PCDHA6: variants seen among roughly 807,000 people sequenced by gnomAD.
PCDHA6 encodes the protein protocadherin alpha 6, also known as protocadherin alpha-6.
Under a neutral mutation model 60.3 loss-of-function variants are expected in PCDHA6, and 55 were observed. The ratio of observed to expected loss-of-function variants is 0.91; its 90% CI spans 0.73 to 1.14. The LOEUF (loss-of-function observed/expected upper bound fraction) is 1.14, where lower values mean the gene tolerates loss of function less well. Ranked by LOEUF, PCDHA6 falls within the 50% of genes most tolerant of loss-of-function variation. The probability of loss-of-function intolerance (pLI) is 0.00; values close to 1 mark genes in which losing one functional copy is unlikely to be tolerated. For missense variants in PCDHA6, 1,327 were observed against 1,256.5 expected, an observed-to-expected ratio of 1.06 and a Z score of -0.85; for synonymous variants, 652 against 557.9, an observed-to-expected ratio of 1.17 and a Z score of -2.38.
Position 140,869,893 on chromosome 5 carries a change from C to G in PCDHA6, c.2394+39408C>G, listed in dbSNP as rs375422597. 3 of 1,610,510 alleles carry G rather than the reference C, an allele frequency of 1.9e-6. No homozygotes were observed. The African/African-American group carries it at 4.0e-5, about 21-fold the overall frequency. ...TGCTAAAGAAACTCTTGTGCTCAAA[C>G]TAAACGCCACAGACCGAGACGAAGG... On this transcript the variant is annotated intron_variant, in intron 1 of 3. Transcript: ENST00000529310.
At chr5:140,845,368 C>A (rs1281318130) in intron 1 of PCDHA6, among the ~76,000 whole-genome samples, 1 of 149,482 alleles carries the variant, frequency 6.7e-6, no homozygotes, top group African/African-American at 2.4e-5. Context: ...TACAAAATAT[C>A]ATAAATAGGA....
intron 1 of PCDHA6, chr5:140,861,630 G>A (rs2047000934): frequency 6.3e-6 from 2 of 317,346 alleles, no homozygotes; most frequent in Admixed American, 6.9e-5. Flanking sequence ...AGTGTTCTCA[G>A]CAACACAAAA....
intron 1 of PCDHA6, among the ~76,000 whole-genome samples, chr5:140,977,672 A>G (rs1404527905): frequency 6.6e-6 from 1 of 152,202 alleles, no homozygotes; most frequent in East Asian, 1.9e-4. Flanking sequence ...TGCATGCCAA[A>G]TATCATGTAG....
intron 3 of PCDHA6, among the ~76,000 whole-genome samples, chr5:141,006,287 C>A (rs1407881243): frequency 6.6e-6 from 1 of 152,060 alleles, no homozygotes; most frequent in African/African-American, 2.4e-5. Flanking sequence ...TCTCAGCTCA[C>A]TGCAAGCTCC....
intron 1 of PCDHA6, among the ~76,000 whole-genome samples, chr5:140,930,655 C>T (rs1554207993): frequency 6.6e-6 from 1 of 152,110 alleles, no homozygotes; most frequent in Non-Finnish European, 1.5e-5. Context: ...TGAAGCATTC[C>T]TTGTTTTACT....
intron 1 of PCDHA6, chr5:140,969,336 GA>G: frequency 2.5e-6 from 4 of 1,613,996 alleles, no homozygotes; most frequent in Non-Finnish European, 3.4e-6. Context: ...AATGAGGTGA[GA>G]CAGTGGTCAG....
intron 1 of PCDHA6, chr5:140,856,123 G>A (rs782708607): frequency 6.3e-7 from 1 of 1,598,078 alleles, no homozygotes; most frequent in African/African-American, 1.3e-5. Flanking sequence ...CCTGGGAGGT[G>A]GGGAGCGGCC....
intron 1 of PCDHA6, chr5:140,969,437 T>C (rs1429370144): frequency 1.8e-5 from 28 of 1,547,818 alleles, no homozygotes; most frequent in Non-Finnish European, 2.4e-5. Context: ...ACAAGAGTTA[T>C]CTGGTAAACT....
chr5:140,877,440 G>A (rs372613448), intron 1 of PCDHA6: 9 of 1,613,710 alleles, frequency 5.6e-6, no homozygotes, highest in Non-Finnish European at 5.9e-6. Context: ...ACCACGGTGA[G>A]CCCGCGCTGA....
intron 1 of PCDHA6, chr5:140,857,163 G>A: frequency 1.3e-6 from 2 of 1,598,406 alleles, no homozygotes; most frequent in Non-Finnish European, 1.7e-6. Flanking sequence ...GCCCTAATCA[G>A]CGTTTCTGAC....
intron 1 of PCDHA6, among the ~76,000 whole-genome samples, chr5:140,957,259 T>A (rs1554222896): frequency 6.6e-6 from 1 of 152,182 alleles, no homozygotes; most frequent in Admixed American, 6.5e-5. Context: ...TTTAAATATG[T>A]AAGCACTAGT....
chr5:141,000,421 A>T (rs4912737), intron 3 of PCDHA6, among the ~76,000 whole-genome samples: 2,503 of 28,048 alleles, frequency 0.089, 337 homozygotes, highest in East Asian at 0.098. Flanking sequence ...ATATATATAT[A>T]TTTTTTTTTT....
intron 3 of PCDHA6, among the ~76,000 whole-genome samples, chr5:140,998,021 C>T (rs2097794085): frequency 6.6e-6 from 1 of 152,152 alleles, no homozygotes; most frequent in Non-Finnish European, 1.5e-5. Context: ...CCACCTCGAG[C>T]TAGTGCTATA....
In PCDHA6 at chr5:140,883,030, C is replaced by G. The variant is rs1554176556; in HGVS notation, c.2394+52545C>G. ...TTTATAAAGTGACGGTGTTAGAGAA[C>G]GCCTTCAATGGAACATTAGTGATCA... On this transcript the variant is annotated intron_variant, in intron 1 of 3. Coordinates refer to ENST00000529310, the MANE Select transcript of PCDHA6 (RefSeq NM_018909.4). 1 of 1,613,940 alleles carries G rather than the reference C, an allele frequency of 6.2e-7. No individual in the cohort carries two copies. Among genetic ancestry groups the G allele is most frequent in the Non-Finnish European group, 8.5e-7 (1 of 1,180,036 alleles).
intron 1 of PCDHA6, chr5:140,875,760 C>A (rs781811926): frequency 1.2e-6 from 2 of 1,614,200 alleles, no homozygotes; most frequent in Non-Finnish European, 1.7e-6. Flanking sequence ...AGAAGCTGTG[C>A]GGGCGGAGCG....
At chr5:140,956,200 GA>G (rs1385482287) in intron 1 of PCDHA6, among the ~76,000 whole-genome samples, 1 of 152,152 alleles carries the variant, frequency 6.6e-6, no homozygotes, top group Non-Finnish European at 1.5e-5. Flanking sequence ...TAGGAGTGGT[GA>G]AAGAGGGCAT....
At chr5:140,933,221 G>T (rs952837794) in intron 1 of PCDHA6, among the ~76,000 whole-genome samples, 1 of 151,758 alleles carries the variant, frequency 6.6e-6, no homozygotes, top group Non-Finnish European at 1.5e-5. Flanking sequence ...CTGTTATATT[G>T]CATTTATGAA....
chr5:140,969,491 C>T (rs2096337176), intron 1 of PCDHA6: 8 of 1,449,294 alleles, frequency 5.5e-6, no homozygotes, highest in Non-Finnish European at 7.3e-6. Context: ...CTGCTATTTC[C>T]TCTCTAGAAA....
At chr5:140,928,810 G>T (rs143843461) in intron 1 of PCDHA6, 1 of 1,614,106 alleles carries the variant, frequency 6.2e-7, no homozygotes. Context: ...AGTGGTTCGG[G>T]ACCATGGAGA....
Sources: gnomAD v4.1 joint callset for allele counts (sites outside exome capture counted in the v4.1 genomes callset) on GRCh38, gnomAD v4.1.1 for gene constraint, MANE v1.5 for transcripts, NCBI Gene and HGNC (gene_info 2026-07-23, HGNC 2026-07-21) for gene names.